The following DNAJC10 variants were observed in gnomAD, a reference collection of about 807,000 sequenced individuals.
DNAJC10 encodes endoplasmic reticulum disulfide reductase DNAJC10.
DNAJC10 carries 101 observed loss-of-function variants against 115.0 expected under a neutral mutation model. The observed-to-expected ratio is 0.88, with a 90% CI of 0.75 to 1.04. The LOEUF is 1.04. Ranked by LOEUF, DNAJC10 falls within the 50% of genes least tolerant of loss-of-function variation. The pLI, the probability that DNAJC10 is intolerant of heterozygous loss-of-function variation, is 0.00. For missense variants in DNAJC10, 981 were observed against 928.8 expected, an observed-to-expected ratio of 1.06 and a Z score of -0.73; for synonymous variants, 307 against 301.5, an observed-to-expected ratio of 1.02 and a Z score of -0.19.
intron 10 of DNAJC10, among the ~76,000 whole-genome samples, chr2:182,734,008 T>C (rs1401935337): frequency 6.6e-6 from 1 of 151,366 alleles, no homozygotes; most frequent in Non-Finnish European, 1.5e-5. Context: ...CTCATGTCTG[T>C]TTTTATTCTT....
intron 22 of DNAJC10, among the ~76,000 whole-genome samples, chr2:182,765,135 A>C (rs1694377361): frequency 1.3e-5 from 2 of 152,294 alleles, no homozygotes; most frequent in African/African-American, 4.8e-5. Context: ...CAGCAGACAT[A>C]AAGGTCAAGT....
rs1694928415 is a variant in DNAJC10 at position 182,785,435 on chromosome 2, A to G, written c.*8303A>G. ...GTACTGAATTCTCGCCCTGTAGTCA[A>G]GTACTTACTATGAGTTTGGAAAAAT... On this transcript the variant is annotated 3_prime_UTR_variant, in exon 24 of 24. Transcript: ENST00000264065. 2 of 152,190 alleles carry G rather than the reference A, an allele frequency of 1.3e-5. No homozygotes were observed. Among genetic ancestry groups the G allele is most frequent in the African/African-American group, 2.4e-5 (1 of 41,448 alleles). 9.4% of individuals were successfully genotyped at this position (152,190 alleles called of 1,614,324 possible).
Position 182,789,005 on chromosome 2 carries a change from C to A in DNAJC10, c.*11873C>A. 1 of 264,720 alleles carries A rather than the reference C, an allele frequency of 3.8e-6. No homozygotes were observed. The highest frequency in any genetic ancestry group is 7.4e-6 in the Non-Finnish European group (1 of 135,290). 16.4% of individuals were successfully genotyped at this position (264,720 alleles called of 1,614,324 possible). A position where few individuals can be genotyped will look rare whatever the true frequency, so the allele number is the denominator to read the frequency against. ...TAATTTCACATTGTTCAACCCATCT[C>A]CGTGACTTTATCTTGCAAAACTGAA... On this transcript the variant is annotated 3_prime_UTR_variant, in exon 24 of 24. Transcript: ENST00000264065.
In DNAJC10 at chr2:182,736,304, A is replaced by C. The variant is rs1239387907; in HGVS notation, c.905A>C (p.Lys302Thr). 6.3e-7 allele frequency: 1 copy of C among 1,596,018 alleles called. No homozygotes were observed. The highest frequency in any genetic ancestry group is 1.7e-4 in the Middle Eastern group (1 of 6,030). The change falls in exon 11 of 24, where the codon AAA (lysine) becomes ACA (threonine). Residue 302 changes from lysine (K) to threonine (T), a missense_variant. By Grantham distance (78) the Lys-to-Thr change is moderately conservative. Coordinates refer to ENST00000264065, the MANE Select transcript of DNAJC10 (RefSeq NM_018981.4). Reference sequence around the variant, plus strand: ...TGTGCCACCCAGGATAACCTTTGTAAAAGCTTAGATATTACAACAAGTACT... The same window carrying C: ...TGTGCCACCCAGGATAACCTTTGTACAAGCTTAGATATTACAACAAGTACT... ...MDCATQDNLCKSLDITTSTTA... is the reference protein window; with the variant it reads ...MDCATQDNLCTSLDITTSTTA...
chr2:182,771,088 G>C (rs1050641426), intron 22 of DNAJC10, among the ~76,000 whole-genome samples: 1 of 152,100 alleles, frequency 6.6e-6, no homozygotes, highest in Admixed American at 6.6e-5. Context: ...CTTTGGTTCT[G>C]TTTATGTGAA....
At chr2:182,761,352 T>TA (rs1232512923) in intron 21 of DNAJC10, among the ~76,000 whole-genome samples, 5 of 152,106 alleles carry the variant, frequency 3.3e-5, no homozygotes, top group East Asian at 1.9e-4. Flanking sequence ...CATAGACACT[T>TA]ACGAAATTAA....
At chr2:182,731,841 C>T (rs531366387) in intron 9 of DNAJC10, among the ~76,000 whole-genome samples, 27 of 152,286 alleles carry the variant, frequency 1.8e-4, no homozygotes, top group Admixed American at 4.6e-4. Flanking sequence ...AGCAAAACGT[C>T]AGCCTTAAAC....
intron 21 of DNAJC10, among the ~76,000 whole-genome samples, chr2:182,759,572 G>A (rs1457205029): frequency 6.6e-6 from 1 of 151,710 alleles, no homozygotes; most frequent in Non-Finnish European, 1.5e-5. Context: ...TCTCCCTCTT[G>A]TCTACTTTCT....
At chr2:182,720,910 G>A (rs1253405730) in intron 4 of DNAJC10, among the ~76,000 whole-genome samples, 3 of 152,028 alleles carry the variant, frequency 2.0e-5, no homozygotes, top group Admixed American at 6.6e-5. Flanking sequence ...GATTTTTAAG[G>A]TGTTTTGGCC....
At chr2:182,728,002 A>G (rs941668712) in intron 5 of DNAJC10, among the ~76,000 whole-genome samples, 1 of 152,258 alleles carries the variant, frequency 6.6e-6, no homozygotes, top group Admixed American at 6.5e-5. Context: ...TTTTCAAACA[A>G]AATGATTTTC....
intron 12 of DNAJC10, 91 bp downstream of exon 12, chr2:182,740,479 C>A (rs1414784557): frequency 8.1e-7 from 1 of 1,237,138 alleles, no homozygotes; most frequent in Non-Finnish European, 1.1e-6. Flanking sequence ...TTTTATTCAT[C>A]TCTAGAGAGA....
At position 182,782,162 on chromosome 2, in the gene DNAJC10, T is replaced by G. The variant is rs1407557316; in HGVS notation, c.*5030T>G. On this transcript the variant is annotated 3_prime_UTR_variant, in exon 24 of 24. Transcript: ENST00000264065. ...GGGGTCCCAGTTTCAGTTTTCTACA[T>G]GTGGCTAGCCTGTTTTCCCAACATC... 2 of 152,192 alleles carry G rather than the reference T, an allele frequency of 1.3e-5. No individual in the cohort carries two copies. The highest frequency in any genetic ancestry group is 6.5e-5 in the Admixed American group (1 of 15,284). 9.4% of individuals were successfully genotyped at this position (152,192 alleles called of 1,614,324 possible). A position where few individuals can be genotyped will look rare whatever the true frequency, so the allele number is the denominator to read the frequency against.
At position 182,779,719 on chromosome 2, in the gene DNAJC10, TTTATA is replaced by T. The variant is rs1290628284; in HGVS notation, c.*2590_*2594del. On this transcript the variant is annotated 3_prime_UTR_variant, in exon 24 of 24. Coordinates refer to ENST00000264065, the MANE Select transcript of DNAJC10 (RefSeq NM_018981.4). ...AAGTAAAATGAAATGTTTATGTAAT[TTTATA>T]TTCTCAAAATTTTCTTTAAATTTGC... 1 of 152,192 alleles carries T rather than the reference TTTATA, an allele frequency of 6.6e-6. No individual in the cohort carries two copies. The highest frequency in any genetic ancestry group is 1.5e-5 in the Non-Finnish European group (1 of 68,046). 9.4% of individuals were successfully genotyped at this position (152,192 alleles called of 1,614,324 possible).
rs1286156974 is a variant in DNAJC10 at position 182,783,907 on chromosome 2, T to A, written c.*6775T>A. The A allele has an allele frequency of 6.6e-6, 1 of 152,188 alleles. No individual in the cohort carries two copies. Among genetic ancestry groups the A allele is most frequent in the Non-Finnish European group, 1.5e-5 (1 of 68,038 alleles). 9.4% of individuals were successfully genotyped at this position (152,188 alleles called of 1,614,324 possible). ...AAGGCCTATAATCTCAATCTTCATG[T>A]TAAGACTTTGGAAAGTTAATTTGTA... On this transcript the variant is annotated 3_prime_UTR_variant, in exon 24 of 24. Coordinates refer to ENST00000264065, the MANE Select transcript of DNAJC10 (RefSeq NM_018981.4).
At position 182,783,640 on chromosome 2, in the gene DNAJC10, C is replaced by T. The variant is rs1215246203; in HGVS notation, c.*6508C>T. The T allele has an allele frequency of 6.6e-6, 1 of 151,940 alleles. No individual in the cohort carries two copies. Among genetic ancestry groups the T allele is most frequent in the Non-Finnish European group, 1.5e-5 (1 of 67,966 alleles). The allele number at this position is 151,940 out of a possible 1,614,324, so 9.4% of individuals were successfully genotyped here. A position where few individuals can be genotyped will look rare whatever the true frequency, so the allele number is the denominator to read the frequency against. On this transcript the variant is annotated 3_prime_UTR_variant, in exon 24 of 24. Coordinates refer to ENST00000264065, the MANE Select transcript of DNAJC10 (RefSeq NM_018981.4). ...GATTTATCTTTACCAGTCTGTAACC[C>T]AGCTTTCTTGTTTTATATTTTAAAT...
At chr2:182,721,422 T>G (rs1405425746) in intron 4 of DNAJC10, among the ~76,000 whole-genome samples, 2 of 152,088 alleles carry the variant, frequency 1.3e-5, no homozygotes, top group African/African-American at 4.8e-5. Context: ...AAGAGCAGAG[T>G]TGAGAAGTTG....
At position 182,787,401 on chromosome 2, in the gene DNAJC10, T is replaced by C. The variant is rs186261455; in HGVS notation, c.*10269T>C. On this transcript the variant is annotated 3_prime_UTR_variant, in exon 24 of 24. Transcript: ENST00000264065. ...CCTGGTGTTTTGATTCTGAATAGTT[T>C]ATAAGCTCTGCTATTCAAGAAGTTT... 17 of 152,276 alleles carry C rather than the reference T, an allele frequency of 1.1e-4. No homozygotes were observed. Among genetic ancestry groups the C allele is most frequent in the African/African-American group, 3.1e-4 (13 of 41,544 alleles). 9.4% of individuals were successfully genotyped at this position (152,276 alleles called of 1,614,324 possible). A position where few individuals can be genotyped will look rare whatever the true frequency, so the allele number is the denominator to read the frequency against.
chr2:182,788,718 G>A lies in DNAJC10; in HGVS notation c.*11586G>A, dbSNP rs1694994692. Reference sequence around the variant, plus strand: ...ACAAGTAACGTCTATTTATCTCAGAGGAAATCCAGGGAAGTTCCTACTTGG... The same window carrying A: ...ACAAGTAACGTCTATTTATCTCAGAAGAAATCCAGGGAAGTTCCTACTTGG... On this transcript the variant is annotated 3_prime_UTR_variant, in exon 24 of 24. Transcript: ENST00000264065. 2 of 428,462 alleles carry A rather than the reference G, an allele frequency of 4.7e-6. No individual in the cohort carries two copies. The highest frequency in any genetic ancestry group is 4.6e-6 in the Non-Finnish European group (1 of 217,694). The allele number at this position is 428,462 out of a possible 1,614,324, so 26.5% of individuals were successfully genotyped here.
At chr2:182,729,650 G>A (rs1693389993) in intron 7 of DNAJC10, among the ~76,000 whole-genome samples, 198 bp from the exon 8 acceptor site, 1 of 152,072 alleles carries the variant, frequency 6.6e-6, no homozygotes, top group African/African-American at 2.4e-5. Context: ...ATTATAAATG[G>A]TATTATTAAA....
Sources: allele counts gnomAD v4.1 joint callset (sites outside exome capture counted in the v4.1 genomes callset), GRCh38; gene constraint gnomAD v4.1.1; transcripts MANE v1.5; gene names NCBI Gene and HGNC (gene_info 2026-07-23, HGNC 2026-07-21).